FER1L6: variants seen among roughly 807,000 people sequenced by gnomAD.
FER1L6 encodes the protein fer-1 like family member 6.
FER1L6 carries 177 observed loss-of-function variants against 219.2 expected under a neutral mutation model. The observed-to-expected ratio is 0.81, with a 90% CI of 0.71 to 0.91. FER1L6 has a LOEUF of 0.91. Among genes scored for constraint, FER1L6 ranks in the 40% least tolerant of loss-of-function variants. The pLI is 0.00. For missense variants in FER1L6, 2,153 were observed against 2,259.9 expected (o/e 0.95, Z 0.96); for synonymous variants, 768 against 824.3 (o/e 0.93, Z 1.17).
chr8:124,069,155 C>T (rs1329513836), intron 28 of FER1L6, among the ~76,000 whole-genome samples: 1 of 152,122 alleles, frequency 6.6e-6, no homozygotes, highest in African/African-American at 2.4e-5. Flanking sequence ...CCAGGATGGT[C>T]TCGATCTCCT....
chr8:124,112,789 G>A (rs979349430), intron 39 of FER1L6, among the ~76,000 whole-genome samples: 2 of 152,102 alleles, frequency 1.3e-5, no homozygotes, highest in African/African-American at 2.4e-5. Flanking sequence ...ACTTAGCTGG[G>A]GATGGTGGTA....
In FER1L6 at chr8:124,010,668, T is replaced by G; in HGVS notation, c.1775T>G (p.Phe592Cys). ...ATCAGCTCTTGGGGAGACCAGACCTTCAGGCTGCACTGGTCCAACATGCTG... is the reference window on the plus strand; with the variant it reads ...ATCAGCTCTTGGGGAGACCAGACCTGCAGGCTGCACTGGTCCAACATGCTG... ...YFISSWGDQT[F>C]RLHWSNMLEK... The change falls in exon 14 of 41, where the codon TTC (phenylalanine) becomes TGC (cysteine). Residue 592 changes from phenylalanine to cysteine, a missense_variant. Physicochemically the swap from Phe to Cys is radical, Grantham distance 205. Transcript: ENST00000522917. 1 of 1,614,060 alleles carries G rather than the reference T, an allele frequency of 6.2e-7. No individual in the cohort carries two copies. The highest frequency in any genetic ancestry group is 8.5e-7 in the Non-Finnish European group (1 of 1,179,978).
In FER1L6 at chr8:123,959,939, C is replaced by T. The variant is rs991422699; in HGVS notation, c.77-3339C>T. Among the ~76,000 whole-genome samples the T allele has an allele frequency of 7.2e-5, 11 of 152,240 alleles. No individual in the cohort carries two copies. The East Asian group carries it at 2.1e-3, about 29-fold the overall frequency. On this transcript the variant is annotated intron_variant, in intron 2 of 40. Transcript: ENST00000522917. ...ACAAATTTTAAAATCACTTTTCTTG[C>T]CCAATTCTTTTGTCTTACGGGCAAG...
intron 1 of FER1L6, among the ~76,000 whole-genome samples, chr8:123,871,393 G>A (rs1352463207): frequency 6.6e-6 from 1 of 152,098 alleles, no homozygotes; most frequent in Admixed American, 6.5e-5. Flanking sequence ...TAGGACTGGT[G>A]CAGAAACTAA....
intron 18 of FER1L6, among the ~76,000 whole-genome samples, chr8:124,024,045 C>T (rs964909982): frequency 2.0e-5 from 3 of 151,826 alleles, no homozygotes; most frequent in Non-Finnish European, 2.9e-5. Flanking sequence ...TACAGATGCC[C>T]ACCACCATGC....
At chr8:124,062,751 C>T (rs933878077) in intron 25 of FER1L6, among the ~76,000 whole-genome samples, 8 of 152,106 alleles carry the variant, frequency 5.3e-5, no homozygotes, top group African/African-American at 1.4e-4. Flanking sequence ...TGAGGGAAGA[C>T]GCTATGTGGG....
chr8:123,870,419 T>C (rs1268560213), intron 1 of FER1L6, among the ~76,000 whole-genome samples: 1 of 152,084 alleles, frequency 6.6e-6, no homozygotes, highest in Non-Finnish European at 1.5e-5. Flanking sequence ...AATAGGTGAG[T>C]GGATAAAAAA....
chr8:123,876,044 G>T (rs1816999574), intron 1 of FER1L6, among the ~76,000 whole-genome samples: 1 of 152,130 alleles, frequency 6.6e-6, no homozygotes, highest in Non-Finnish European at 1.5e-5. Flanking sequence ...CCCCTCAGTT[G>T]CTCATTATTT....
chr8:123,949,509 A>C (rs1414687854), intron 1 of FER1L6, among the ~76,000 whole-genome samples: 1 of 152,160 alleles, frequency 6.6e-6, no homozygotes, highest in Non-Finnish European at 1.5e-5. Flanking sequence ...GACATTCAAA[A>C]CCAATTGAGA....
chr8:124,073,887 G>A (rs1186851336), intron 31 of FER1L6, among the ~76,000 whole-genome samples: 3 of 152,330 alleles, frequency 2.0e-5, no homozygotes, highest in Non-Finnish European at 4.4e-5. Flanking sequence ...ATTGGCTGAT[G>A]TGACAAGAAG....
intron 37 of FER1L6, among the ~76,000 whole-genome samples, 155 bp from the exon 38 acceptor site, chr8:124,100,942 T>C (rs1171030659): frequency 1.3e-5 from 2 of 152,130 alleles, no homozygotes; most frequent in African/African-American, 4.8e-5. Flanking sequence ...ATTTTATTCT[T>C]TCAAGTTAAA....
intron 1 of FER1L6, among the ~76,000 whole-genome samples, chr8:123,950,204 C>G (rs967813121): frequency 1.2e-4 from 19 of 152,166 alleles, no homozygotes; most frequent in African/African-American, 4.3e-4. Context: ...ATTTGTTTCT[C>G]TATTTTCCTT....
At chr8:124,048,030 A>G (rs1317787131) in intron 21 of FER1L6, among the ~76,000 whole-genome samples, 1 of 152,238 alleles carries the variant, frequency 6.6e-6, no homozygotes, top group Non-Finnish European at 1.5e-5. Flanking sequence ...GTTAATGAAC[A>G]AATTGTTAGG....
chr8:124,119,024 CT>C, intron 40 of FER1L6, 80 bp downstream of exon 40: 1 of 1,169,636 alleles, frequency 8.5e-7, no homozygotes, highest in Non-Finnish European at 1.3e-6. Flanking sequence ...AATGGCATTT[CT>C]TTAGAGCAGC....
intron 33 of FER1L6, among the ~76,000 whole-genome samples, chr8:124,086,709 T>C (rs941493027): frequency 5.3e-5 from 8 of 152,232 alleles, no homozygotes; most frequent in African/African-American, 1.9e-4. Context: ...TAATTTCTTA[T>C]TGATCATTAA....
intron 18 of FER1L6, among the ~76,000 whole-genome samples, chr8:124,030,321 G>T (rs1390033998): frequency 1.3e-5 from 2 of 152,126 alleles, no homozygotes; most frequent in Admixed American, 1.3e-4. Flanking sequence ...AGCAATGAAG[G>T]TTTTGCGGTC....
At chr8:124,003,082 A>G in intron 12 of FER1L6, 85 bp from the exon 13 acceptor site, 2 of 1,125,040 alleles carry the variant, frequency 1.8e-6, no homozygotes, top group East Asian at 2.4e-5. Context: ...GCTGTGGGAG[A>G]ACATGAGTTT....
chr8:123,887,686 G>A (rs1233496643), intron 1 of FER1L6, among the ~76,000 whole-genome samples: 2 of 78,228 alleles, frequency 2.6e-5, no homozygotes, highest in African/African-American at 5.8e-5. Context: ...TTGGGGGCTT[G>A]TTTGAAATTG....
chr8:124,010,821 T>TA (rs1817887406), intron 14 of FER1L6, 107 bp downstream of exon 14: 2 of 1,437,282 alleles, frequency 1.4e-6, no homozygotes, highest in Non-Finnish European at 1.9e-6. Context: ...CAAACACAAA[T>TA]AAATTGAGGA....
Sources: gnomAD v4.1 joint callset for allele counts (sites outside exome capture counted in the v4.1 genomes callset) on GRCh38, gnomAD v4.1.1 for gene constraint, MANE v1.5 for transcripts, NCBI Gene and HGNC (gene_info 2026-07-23, HGNC 2026-07-21) for gene names.